ERBB4: variants seen among roughly 807,000 people sequenced by gnomAD.
The protein encoded by ERBB4 is erb-b2 receptor tyrosine kinase 4.
Under a neutral mutation model 158.0 loss-of-function variants are expected in ERBB4, and 42 were observed. That is an observed-to-expected ratio of 0.27 (90% CI 0.21 to 0.34). The LOEUF is 0.34. ERBB4 is among the 10% of genes least tolerant of loss of function. The pLI, the probability that ERBB4 is intolerant of heterozygous loss-of-function variation, is 1.00. For missense variants in ERBB4, 1,333 were observed against 1,624.1 expected (o/e 0.82, Z 3.08); for synonymous variants, 583 against 558.7 (o/e 1.04, Z -0.61).
intron 20 of ERBB4, among the ~76,000 whole-genome samples, chr2:211,484,577 G>A (rs2065159950): frequency 6.6e-6 from 1 of 152,122 alleles, no homozygotes; most frequent in African/African-American, 2.4e-5. Context: ...ATGAGACAGA[G>A]TAGATTTCAG....
At chr2:211,852,762 A>T (rs1261307701) in intron 3 of ERBB4, among the ~76,000 whole-genome samples, 2 of 151,136 alleles carry the variant, frequency 1.3e-5, no homozygotes, top group Admixed American at 1.3e-4. Context: ...GGAAAAGAAG[A>T]TGTTTCATGT....
In ERBB4 at chr2:211,581,780, G is replaced by C. The variant is rs375031268; in HGVS notation, c.2302-19692C>G. 1.3e-3 allele frequency among the ~76,000 whole-genome samples: 194 copies of C among 152,228 alleles called. 3 individuals carry two copies. Among genetic ancestry groups the C allele is most frequent in the African/African-American group, 4.5e-3 (186 of 41,528 alleles). Reference sequence around the variant, plus strand: ...TATTCCCAGCACTTTGGGAGGCTGAGGCAGGCAGATCACGAGGTCAAGAGA... The same window carrying C: ...TATTCCCAGCACTTTGGGAGGCTGACGCAGGCAGATCACGAGGTCAAGAGA... On this transcript the variant is annotated intron_variant, in intron 19 of 27. Transcript: ENST00000342788.
At chr2:212,193,738 A>G (rs924201956) in intron 1 of ERBB4, among the ~76,000 whole-genome samples, 9 of 152,232 alleles carry the variant, frequency 5.9e-5, no homozygotes, top group African/African-American at 2.2e-4. Context: ...AATTGTCATC[A>G]ATAATGGATA....
chr2:211,929,095 C>T (rs566055330), intron 3 of ERBB4, among the ~76,000 whole-genome samples: 52 of 152,212 alleles, frequency 3.4e-4, no homozygotes, highest in African/African-American at 1.2e-3. Context: ...CACTTCAGTG[C>T]CATCTTTTCT....
intron 2 of ERBB4, among the ~76,000 whole-genome samples, chr2:212,031,861 C>A (rs1357609402): frequency 2.0e-5 from 3 of 151,996 alleles, no homozygotes; most frequent in African/African-American, 7.2e-5. Context: ...CAAGGAAAGA[C>A]AAGTGATGGC....
chr2:212,330,932 C>G (rs1482229198), intron 1 of ERBB4, among the ~76,000 whole-genome samples: 2 of 150,398 alleles, frequency 1.3e-5, no homozygotes, highest in East Asian at 2.0e-4. Context: ...TATTAATTTG[C>G]CTGGGGTCAA....
intron 2 of ERBB4, among the ~76,000 whole-genome samples, chr2:211,985,667 A>G (rs1313926000): frequency 6.6e-6 from 1 of 151,916 alleles, no homozygotes; most frequent in East Asian, 1.9e-4. Flanking sequence ...GGGAAAATAT[A>G]ATTTAATTTA....
At position 212,538,484 on chromosome 2, in the gene ERBB4, G is replaced by A. The variant is rs1297962291; in HGVS notation, c.47C>T (p.Ala16Val). Residue 16 changes from alanine (A) to valine (V), a missense_variant, in exon 1 of 28, where the codon GCG becomes GTG. Coordinates refer to ENST00000342788, the MANE Select transcript of ERBB4 (RefSeq NM_005235.3). ...GLWVWVSLLV[A>V]AGTVQPSDSQ... ...ATCGCTGGGCTGGACGGTCCCCGCC[G>A]CCACGAGAAGGCTCACCCAGACCCA... 1 of 1,614,054 alleles carries A rather than the reference G, an allele frequency of 6.2e-7. No individual in the cohort carries two copies. The highest frequency in any genetic ancestry group is 8.5e-7 in the Non-Finnish European group (1 of 1,179,958).
intron 23 of ERBB4, 90 bp downstream of exon 23, chr2:211,424,065 C>T (rs2125411400): frequency 1.5e-6 from 2 of 1,303,750 alleles, no homozygotes; most frequent in Non-Finnish European, 2.2e-6. Flanking sequence ...TCGTATTTTT[C>T]AATACAGAGA....
intron 5 of ERBB4, among the ~76,000 whole-genome samples, chr2:211,736,167 A>T (rs1476569706): frequency 1.4e-5 from 2 of 147,052 alleles, no homozygotes; most frequent in Non-Finnish European, 3.0e-5. Flanking sequence ...TGTCTCAAAA[A>T]AAGGAAAAAA....
chr2:212,522,159 G>A (rs1359273274), intron 1 of ERBB4, among the ~76,000 whole-genome samples: 1 of 151,960 alleles, frequency 6.6e-6, no homozygotes, highest in East Asian at 1.9e-4. Context: ...AGGCATTGCT[G>A]ATCAGCCACC....
At chr2:212,350,342 G>A (rs891218299) in intron 1 of ERBB4, among the ~76,000 whole-genome samples, 4 of 151,974 alleles carry the variant, frequency 2.6e-5, no homozygotes, top group Admixed American at 6.6e-5. Flanking sequence ...TTCCTTAAGA[G>A]GAAAAATACG....
At chr2:212,159,238 G>A (rs1188015058) in intron 1 of ERBB4, among the ~76,000 whole-genome samples, 1 of 149,850 alleles carries the variant, frequency 6.7e-6, no homozygotes, top group Non-Finnish European at 1.5e-5. Flanking sequence ...GCTGTTTTAA[G>A]GTAGTAAACC....
At chr2:212,395,614 C>CT (rs760604732) in intron 1 of ERBB4, among the ~76,000 whole-genome samples, 1,453 of 84,620 alleles carry the variant, frequency 0.017, 15 homozygotes, top group East Asian at 0.042. Flanking sequence ...CAGTTACACT[C>CT]TTTTTTTTTT....
intron 2 of ERBB4, among the ~76,000 whole-genome samples, chr2:212,045,163 G>C (rs777555378): frequency 2.0e-5 from 3 of 152,068 alleles, no homozygotes; most frequent in African/African-American, 7.2e-5. Context: ...AATATACTAC[G>C]TGAGAATAAA....
intron 2 of ERBB4, among the ~76,000 whole-genome samples, chr2:212,103,636 T>C (rs537286250): frequency 1.9e-4 from 29 of 151,958 alleles, no homozygotes; most frequent in Non-Finnish European, 3.8e-4. Flanking sequence ...TTAAAACTAC[T>C]TCTCAGTTGC....
chr2:211,939,814 G>A (rs1052070827), intron 3 of ERBB4, among the ~76,000 whole-genome samples: 4 of 151,844 alleles, frequency 2.6e-5, no homozygotes, highest in African/African-American at 9.7e-5. Flanking sequence ...GGACATGGTG[G>A]GGGGCGCCTG....
chr2:211,480,504 G>A (rs185109199), intron 20 of ERBB4, among the ~76,000 whole-genome samples: 49 of 152,168 alleles, frequency 3.2e-4, no homozygotes, highest in African/African-American at 1.2e-3. Context: ...GCTTCCCCTT[G>A]GCCCTTCTTT....
intron 1 of ERBB4, among the ~76,000 whole-genome samples, chr2:212,256,003 T>TTA (rs780605807): frequency 1.6e-4 from 21 of 131,812 alleles, no homozygotes; most frequent in South Asian, 2.5e-4. Context: ...ATTTATTTAT[T>TTA]TTTTTTTTAC....
Sources: gnomAD v4.1 joint callset for allele counts (sites outside exome capture counted in the v4.1 genomes callset) on GRCh38, gnomAD v4.1.1 for gene constraint, MANE v1.5 for transcripts, NCBI Gene and HGNC (gene_info 2026-07-23, HGNC 2026-07-21) for gene names.